PTER: variants seen among roughly 807,000 people sequenced by gnomAD.
PTER encodes N-acetyltaurine hydrolase.
In PTER, 38 loss-of-function variants were observed where a neutral mutation model predicts 29.6. That is an observed-to-expected ratio of 1.28 (90% CI 0.99 to 1.68). The LOEUF (loss-of-function observed/expected upper bound fraction) is 1.68, where lower values mean the gene tolerates loss of function less well. Ranked by LOEUF, PTER falls within the 40% of genes most tolerant of loss-of-function variation. The pLI is 0.00. For synonymous variants in PTER, 172 were observed against 154.5 expected (o/e 1.11, Z -0.84); for missense variants, 482 against 427.8 (o/e 1.13, Z -1.12).
Position 16,512,506 on chromosome 10 carries a change from A to G in PTER, c.*1250A>G, listed in dbSNP as rs1376391921. ...ATTCTTGATGAAGAGTCTGTTTTTA[A>G]TCATAAAAATCATGACAGTTACTCA... On this transcript the variant is annotated 3_prime_UTR_variant, in exon 5 of 5. Coordinates refer to ENST00000535784, the MANE Select transcript of PTER (RefSeq NM_001261836.2). 6.6e-6 allele frequency: 1 copy of G among 152,114 alleles called. No individual in the cohort carries two copies. Among genetic ancestry groups the G allele is most frequent in the Non-Finnish European group, 1.5e-5 (1 of 67,976 alleles). The allele number at this position is 152,114 out of a possible 1,614,324, so 9.4% of individuals were successfully genotyped here. A position where few individuals can be genotyped will look rare whatever the true frequency, so the allele number is the denominator to read the frequency against.
chr10:16,505,281 A>G, intron 4 of PTER, 121 bp downstream of exon 4: 1 of 1,234,630 alleles, frequency 8.1e-7, no homozygotes, highest in Non-Finnish European at 1.1e-6. Context: ...AGACTTGCAG[A>G]GAAAAATATA....
In PTER at chr10:16,486,347, C is replaced by T. The variant is rs772630902; in HGVS notation, c.433-5C>T. 6 of 1,611,004 alleles carry T rather than the reference C, an allele frequency of 3.7e-6. No individual in the cohort carries two copies. Among genetic ancestry groups the T allele is most frequent in the Non-Finnish European group, 5.1e-6 (6 of 1,177,784 alleles). On this transcript the variant is annotated splice_region_variant and splice_polypyrimidine_tract_variant and intron_variant, in intron 2 of 4. Transcript: ENST00000535784. ...TAAAATATATTCCTTCTCACTCTTC[C>T]TTAGCTTACCGATGTCCTTATGAAT...
chr10:16,513,986 A>G (rs1044412721), downstream of PTER: 4 of 238,728 alleles, frequency 1.7e-5, no homozygotes, highest in African/African-American at 8.9e-5. Context: ...TTGAAGTTGA[A>G]TCATTCCCAG....
chr10:16,438,598 T>C (rs1237941144), intron 1 of PTER, among the ~76,000 whole-genome samples: 20 of 145,244 alleles, frequency 1.4e-4, no homozygotes, highest in African/African-American at 2.2e-4. Context: ...CGTGAGCCAC[T>C]GCGCCTGGCC....
chr10:16,493,789 C>T (rs1835992267), intron 3 of PTER, among the ~76,000 whole-genome samples: 1 of 151,982 alleles, frequency 6.6e-6, no homozygotes, highest in Non-Finnish European at 1.5e-5. Flanking sequence ...AAATATCTGA[C>T]AAAGTAAAAT....
At position 16,446,681 on chromosome 10, in the gene PTER, A is replaced by G. The variant is rs569044737; in HGVS notation, c.-49+9634A>G. 2.6e-5 allele frequency among the ~76,000 whole-genome samples: 4 copies of G among 152,146 alleles called. No individual in the cohort carries two copies. In the South Asian group the frequency reaches 8.3e-4, roughly 32 times the overall value. On this transcript the variant is annotated intron_variant, in intron 1 of 4. Coordinates refer to ENST00000535784, the MANE Select transcript of PTER (RefSeq NM_001261836.2). Reference sequence around the variant, plus strand: ...ATTTCATGGACTGTTGCTACTCGTTATTGTTGCCATGGTGAGGTCAAAACG... The same window carrying G: ...ATTTCATGGACTGTTGCTACTCGTTGTTGTTGCCATGGTGAGGTCAAAACG...
intron 3 of PTER, among the ~76,000 whole-genome samples, chr10:16,502,653 C>A (rs1178022770): frequency 6.6e-6 from 1 of 152,020 alleles, no homozygotes; most frequent in Non-Finnish European, 1.5e-5. Context: ...ACTTCCCGCA[C>A]CCGTGGCACA....
At chr10:16,501,217 C>T (rs913987968) in intron 3 of PTER, among the ~76,000 whole-genome samples, 2 of 151,956 alleles carry the variant, frequency 1.3e-5, no homozygotes, top group Admixed American at 6.6e-5. Context: ...AGGTGTGAGC[C>T]CCCATGCTCA....
chr10:16,514,069 A>G (rs1836909422), downstream of PTER: 1 of 366,998 alleles, frequency 2.7e-6, no homozygotes, highest in African/African-American at 2.1e-5. Context: ...TTTCAATTAG[A>G]CCTTCTCCTG....
At chr10:16,495,171 T>TTTC (rs1188478396) in intron 3 of PTER, among the ~76,000 whole-genome samples, 1 of 83,586 alleles carries the variant, frequency 1.2e-5, no homozygotes, top group East Asian at 4.1e-4. Flanking sequence ...GGAATTACTT[T>TTTC]TTTTTTTTTT....
At chr10:16,483,651 C>A (rs191781395) in intron 1 of PTER, among the ~76,000 whole-genome samples, 1 of 152,090 alleles carries the variant, frequency 6.6e-6, no homozygotes, top group Non-Finnish European at 1.5e-5. Context: ...AGTTCAAGAC[C>A]AGCCTGGCCA....
intron 1 of PTER, among the ~76,000 whole-genome samples, chr10:16,471,710 T>G (rs1434548984): frequency 6.6e-6 from 1 of 152,368 alleles, no homozygotes; most frequent in Middle Eastern, 3.4e-3. Flanking sequence ...TTCTATGTCA[T>G]TAAATATTCT....
At chr10:16,505,982 G>T (rs901412213) in intron 4 of PTER, among the ~76,000 whole-genome samples, 31 of 151,042 alleles carry the variant, frequency 2.1e-4, no homozygotes, top group Admixed American at 3.4e-4. Context: ...TTAAGGAATG[G>T]AGTAGGAACC....
chr10:16,459,917 T>C (rs994758637), intron 1 of PTER, among the ~76,000 whole-genome samples: 1 of 151,984 alleles, frequency 6.6e-6, no homozygotes, highest in Non-Finnish European at 1.5e-5. Flanking sequence ...CTGGGTAATT[T>C]TGTATTTTTA....
Position 16,486,676 on chromosome 10 carries a change from T to C in PTER, c.698+59T>C, listed in dbSNP as rs184338812. ...GCCATATAATTAATGCATGATCAAA[T>C]TAAGAATCTACAGTAATCAGTCAAT... On this transcript the variant is annotated intron_variant, in intron 3 of 4. Coordinates refer to ENST00000535784, the MANE Select transcript of PTER (RefSeq NM_001261836.2). 2.1e-4 allele frequency: 314 copies of C among 1,523,516 alleles called. 1 individual carries two copies. In the East Asian group the frequency reaches 6.9e-3, roughly 34 times the overall value. 94.4% of individuals were successfully genotyped at this position (1,523,516 alleles called of 1,614,324 possible).
chr10:16,438,136 G>A (rs1348683302), intron 1 of PTER, among the ~76,000 whole-genome samples: 2 of 151,480 alleles, frequency 1.3e-5, no homozygotes, highest in South Asian at 2.1e-4. Context: ...CTTCTGAGTG[G>A]CTGGGACTAC....
chr10:16,452,730 A>G (rs1327357330), intron 1 of PTER, among the ~76,000 whole-genome samples: 2 of 146,172 alleles, frequency 1.4e-5, no homozygotes, highest in African/African-American at 5.1e-5. Flanking sequence ...TTCTTCTTCT[A>G]CTTCTACTTC....
At chr10:16,491,381 C>G (rs1835892188) in intron 3 of PTER, among the ~76,000 whole-genome samples, 1 of 152,166 alleles carries the variant, frequency 6.6e-6, no homozygotes, top group Admixed American at 6.5e-5. Flanking sequence ...AGTGGCTGTT[C>G]ACAGCAAGAC....
At chr10:16,493,914 C>T (rs980683816) in intron 3 of PTER, among the ~76,000 whole-genome samples, 1 of 152,164 alleles carries the variant, frequency 6.6e-6, no homozygotes, top group African/African-American at 2.4e-5. Context: ...GGCAGACCTG[C>T]CTTCCTGGTG....
Sources: gnomAD v4.1 joint callset for allele counts (sites outside exome capture counted in the v4.1 genomes callset) on GRCh38, gnomAD v4.1.1 for gene constraint, MANE v1.5 for transcripts, NCBI Gene and HGNC (gene_info 2026-07-23, HGNC 2026-07-21) for gene names.